CCDC7: variants seen among roughly 807,000 people sequenced by gnomAD.
CCDC7 encodes the protein coiled-coil domain-containing protein 7.
A neutral mutation model predicts 196.9 loss-of-function variants in CCDC7; 183 were observed. The ratio of observed to expected loss-of-function variants is 0.93; its 90% CI spans 0.82 to 1.05. The LOEUF (loss-of-function observed/expected upper bound fraction) is 1.05. Ranked by LOEUF, CCDC7 falls within the 50% of genes least tolerant of loss-of-function variation. The pLI, the probability that CCDC7 is intolerant of heterozygous loss-of-function variation, is 0.00. For synonymous variants in CCDC7, 525 were observed against 484.6 expected (o/e 1.08, Z -1.10); for missense variants, 1,540 against 1,482.2 (o/e 1.04, Z -0.64).
At chr10:32,512,315 A>G (rs1169182772) in intron 9 of CCDC7, 1 of 152,358 alleles carries the variant, frequency 6.6e-6, no homozygotes, top group East Asian at 1.9e-4. Flanking sequence ...GAATTCCTTC[A>G]TGACATTTTT....
At chr10:32,675,280 A>G (rs1164980143) in intron 21 of CCDC7, among the ~76,000 whole-genome samples, 1 of 138,870 alleles carries the variant, frequency 7.2e-6, no homozygotes, top group Non-Finnish European at 1.6e-5. Context: ...TACGATTACC[A>G]TGAGGTTTGA....
At chr10:32,451,269 TTACTC>T (rs1424756164), upstream of CCDC7, among the ~76,000 whole-genome samples, 13 of 152,290 alleles carry the variant, frequency 8.5e-5, no homozygotes, top group East Asian at 1.9e-3. Context: ...TGAGCTCAGT[TTACTC>T]TACTCCCATG....
At chr10:32,822,183 T>G (rs1037915624) in intron 31 of CCDC7, among the ~76,000 whole-genome samples, 1 of 152,158 alleles carries the variant, frequency 6.6e-6, no homozygotes, top group African/African-American at 2.4e-5. Flanking sequence ...TGAAGCCCCC[T>G]AAAAAAGGTA....
intron 9 of CCDC7, among the ~76,000 whole-genome samples, chr10:32,515,878 A>G (rs1468514701): frequency 2.6e-5 from 4 of 152,194 alleles, no homozygotes; most frequent in Admixed American, 2.0e-4. Flanking sequence ...TGTCAAAATT[A>G]TCAAAGAACT....
chr10:32,521,257 A>G (rs2047834796), intron 11 of CCDC7, among the ~76,000 whole-genome samples: 1 of 152,108 alleles, frequency 6.6e-6, no homozygotes, highest in Non-Finnish European at 1.5e-5. Flanking sequence ...TGTGAAGAAT[A>G]TCATTGATAT....
chr10:32,592,280 C>G (rs2059851584), intron 18 of CCDC7, among the ~76,000 whole-genome samples: 1 of 151,986 alleles, frequency 6.6e-6, no homozygotes, highest in African/African-American at 2.4e-5. Flanking sequence ...TCAGCCTTTT[C>G]AAAGAACCAA....
At chr10:32,666,128 T>C (rs1289173926) in intron 21 of CCDC7, among the ~76,000 whole-genome samples, 2 of 151,138 alleles carry the variant, frequency 1.3e-5, no homozygotes, top group African/African-American at 2.4e-5. Context: ...TTCTTTTTTT[T>C]TTTTTTTTCA....
intron 9 of CCDC7, among the ~76,000 whole-genome samples, chr10:32,495,642 A>G (rs1311449660): frequency 6.6e-6 from 1 of 152,214 alleles, no homozygotes; most frequent in Non-Finnish European, 1.5e-5. Flanking sequence ...CATTTATTAA[A>G]TAGGAAATCC....
At chr10:32,784,636 A>G (rs1236644601) in intron 29 of CCDC7, among the ~76,000 whole-genome samples, 1 of 149,510 alleles carries the variant, frequency 6.7e-6, no homozygotes. Context: ...CAGTGGCGCA[A>G]TCTCGGCTCA....
At chr10:32,462,592 T>C in intron 3 of CCDC7, 91 bp from the exon 5 acceptor site, 1 of 1,068,126 alleles carries the variant, frequency 9.4e-7, no homozygotes, top group Non-Finnish European at 1.3e-6. Flanking sequence ...ATTTTTGTGA[T>C]TGAAAATTGC....
chr10:32,503,893 C>CAGTTTGTTAGAATGTAGTAACAAACTGTT (rs2044453734), intron 9 of CCDC7, among the ~76,000 whole-genome samples: 1 of 141,262 alleles, frequency 7.1e-6, no homozygotes, highest in Non-Finnish European at 1.5e-5. Flanking sequence ...CTAGGTTGTT[C>CAGTTTGTTAGAATGTAGTAACAAACTGTT]AGTTTGTTAG....
chr10:32,673,465 A>G (rs2074387989), intron 21 of CCDC7, among the ~76,000 whole-genome samples: 1 of 152,100 alleles, frequency 6.6e-6, no homozygotes, highest in Non-Finnish European at 1.5e-5. Context: ...TTTTCAGTGT[A>G]CAAGCCTTTT....
chr10:32,691,534 A>G (rs1040508153), intron 23 of CCDC7, among the ~76,000 whole-genome samples: 1 of 152,348 alleles, frequency 6.6e-6, no homozygotes, highest in African/African-American at 2.4e-5. Flanking sequence ...GAATTGTGCC[A>G]CAAATTAATT....
intron 28 of CCDC7, among the ~76,000 whole-genome samples, chr10:32,770,449 C>T (rs2079003911): frequency 1.3e-5 from 2 of 152,038 alleles, no homozygotes; most frequent in Admixed American, 6.6e-5. Context: ...GAATTGATTT[C>T]TAGTTTTATT....
intron 20 of CCDC7, among the ~76,000 whole-genome samples, chr10:32,640,649 G>A (rs893793456): frequency 6.6e-6 from 1 of 152,106 alleles, no homozygotes; most frequent in African/African-American, 2.4e-5. Flanking sequence ...GCTGGTACTG[G>A]TTGTTCCTTT....
chr10:32,807,554 C>T (rs913634628), intron 30 of CCDC7, among the ~76,000 whole-genome samples: 1 of 151,994 alleles, frequency 6.6e-6, no homozygotes, highest in Non-Finnish European at 1.5e-5. Context: ...TAACAGGAAA[C>T]ACCTGAGGCA....
chr10:32,463,256 G>A lies in CCDC7; in HGVS notation c.510+207G>A, dbSNP rs552825444. On this transcript the variant is annotated intron_variant, in intron 5 of 41. Coordinates refer to ENST00000639629, the Ensembl canonical transcript of CCDC7. Reference sequence around the variant, plus strand: ...ACACCCTATATCCCTGCATATATCTGGTATACTCCAAGTTTGACTGACACA... The same window carrying A: ...ACACCCTATATCCCTGCATATATCTAGTATACTCCAAGTTTGACTGACACA... 2.6e-3 allele frequency among the ~76,000 whole-genome samples: 401 copies of A among 152,054 alleles called. 1 individual carries two copies. The highest frequency in any genetic ancestry group is 3.3e-3 in the Non-Finnish European group (225 of 67,948).
intron 23 of CCDC7, among the ~76,000 whole-genome samples, chr10:32,691,025 G>A (rs2077019256): frequency 6.6e-6 from 1 of 152,180 alleles, no homozygotes; most frequent in African/African-American, 2.4e-5. Flanking sequence ...CTGTGCACCA[G>A]TATCCTAATG....
At chr10:32,460,445 G>A (rs56250343) in intron 3 of CCDC7, among the ~76,000 whole-genome samples, 20,342 of 152,042 alleles carry the variant, frequency 0.13, 1,611 homozygotes, top group African/African-American at 0.22. Flanking sequence ...CACTGTTCTC[G>A]TTAAACTAGG....
Sources: gnomAD v4.1 joint callset for allele counts (sites outside exome capture counted in the v4.1 genomes callset) on GRCh38, gnomAD v4.1.1 for gene constraint, MANE v1.5 for transcripts, NCBI Gene and HGNC (gene_info 2026-07-23, HGNC 2026-07-21) for gene names.